Variants in ARHGAP10 observed in about 807,000 individuals in gnomAD.
The protein encoded by ARHGAP10 is Rho GTPase activating protein 10.
In ARHGAP10, 87 loss-of-function variants were observed where a neutral mutation model predicts 108.6. The observed-to-expected ratio is 0.80, with a 90% CI of 0.67 to 0.96. The LOEUF (loss-of-function observed/expected upper bound fraction) is 0.96. ARHGAP10 is among the 40% of genes least tolerant of loss of function. The probability of loss-of-function intolerance (pLI) is 0.00; values close to 1 mark genes in which losing one functional copy is unlikely to be tolerated. For missense variants in ARHGAP10, 939 were observed against 954.5 expected (o/e 0.98, Z 0.21); for synonymous variants, 347 against 341.1 (o/e 1.02, Z -0.19).
At chr4:147,839,003 A>G (rs1455593156) in intron 3 of ARHGAP10, among the ~76,000 whole-genome samples, 1 of 152,154 alleles carries the variant, frequency 6.6e-6, no homozygotes, top group African/African-American at 2.4e-5. Flanking sequence ...CTCCTTTAGA[A>G]GACTCTTAAG....
intron 1 of ARHGAP10, among the ~76,000 whole-genome samples, chr4:147,817,282 A>G (rs1732290002): frequency 6.6e-6 from 1 of 152,112 alleles, no homozygotes; most frequent in African/African-American, 2.4e-5. Flanking sequence ...CAGGCTTGTA[A>G]CTTAAGGGGT....
At chr4:147,750,643 C>A (rs1729101225) in intron 1 of ARHGAP10, among the ~76,000 whole-genome samples, 1 of 151,412 alleles carries the variant, frequency 6.6e-6, no homozygotes, top group Non-Finnish European at 1.5e-5. Flanking sequence ...ACTCTGTAAC[C>A]CAGGCTGGAG....
Position 147,732,441 on chromosome 4 carries a change from T to A in ARHGAP10, c.140T>A (p.Ile47Asn). 6.2e-7 allele frequency: 1 copy of A among 1,611,864 alleles called. No homozygotes were observed. The highest frequency in any genetic ancestry group is 8.5e-7 in the Non-Finnish European group (1 of 1,178,996). ...KELIKDGKNL[I>N]AATKSLSVAQ... ...CTCATTAAGGACGGGAAGAACCTCA[T>A]CGCTGCGACGAAAAGTAAGCGGGGA... The change falls in exon 1 of 23, where the codon ATC becomes AAC. Residue 47 changes from isoleucine to asparagine, a missense_variant. Ile to Asn is a moderately radical substitution (Grantham distance 149). Coordinates refer to ENST00000336498, the MANE Select transcript of ARHGAP10 (RefSeq NM_024605.4).
chr4:148,048,323 T>C (rs1728977290), intron 20 of ARHGAP10, among the ~76,000 whole-genome samples: 1 of 152,204 alleles, frequency 6.6e-6, no homozygotes, highest in African/African-American at 2.4e-5. Flanking sequence ...TAAGAGAGGC[T>C]GGGAGACATT....
chr4:147,777,670 G>A (rs1730355155), intron 1 of ARHGAP10, among the ~76,000 whole-genome samples: 1 of 152,040 alleles, frequency 6.6e-6, no homozygotes, highest in South Asian at 2.1e-4. Flanking sequence ...GACCTTTAAG[G>A]GTGACTCATG....
intron 7 of ARHGAP10, among the ~76,000 whole-genome samples, chr4:147,869,679 C>T (rs1250515505): frequency 6.6e-6 from 1 of 151,932 alleles, no homozygotes; most frequent in Non-Finnish European, 1.5e-5. Flanking sequence ...ATATTCCTCT[C>T]TTGATTTTAT....
intron 1 of ARHGAP10, among the ~76,000 whole-genome samples, chr4:147,755,297 C>T (rs1177233451): frequency 6.6e-6 from 1 of 152,048 alleles, no homozygotes; most frequent in Non-Finnish European, 1.5e-5. Flanking sequence ...CTTTTGTGAT[C>T]AACTCAGTCT....
At position 147,906,483 on chromosome 4, in the gene ARHGAP10, C is replaced by G. The variant is rs190325943; in HGVS notation, c.1035-155C>G. ...TGAACATATTTAATGCCATTGAACT[C>G]TACACTTAAAAATCGTTAAGATGAT... On this transcript the variant is annotated intron_variant, in intron 10 of 22. Coordinates refer to ENST00000336498, the MANE Select transcript of ARHGAP10 (RefSeq NM_024605.4). 4.4e-4 allele frequency among the ~76,000 whole-genome samples: 67 copies of G among 152,108 alleles called. 1 individual carries two copies. Among genetic ancestry groups the G allele is most frequent in the African/African-American group, 1.4e-3 (60 of 41,474 alleles).
At chr4:148,065,269 A>G (rs1256950097) in intron 22 of ARHGAP10, 1 of 152,210 alleles carries the variant, frequency 6.6e-6, no homozygotes, top group East Asian at 1.9e-4. Context: ...AGCTGCTTGG[A>G]ATGGAATGGT....
chr4:147,823,525 A>C (rs1332552602), intron 3 of ARHGAP10, among the ~76,000 whole-genome samples: 1 of 152,176 alleles, frequency 6.6e-6, no homozygotes, highest in Admixed American at 6.5e-5. Flanking sequence ...TAGGAGGCTA[A>C]GCTGGGTGGA....
intron 18 of ARHGAP10, among the ~76,000 whole-genome samples, chr4:147,995,083 C>T (rs967731149): frequency 1.3e-5 from 2 of 152,190 alleles, no homozygotes; most frequent in East Asian, 1.9e-4. Context: ...TTTTTATCCA[C>T]ATTCTATGTA....
chr4:147,804,729 A>G (rs1731713527), intron 1 of ARHGAP10, among the ~76,000 whole-genome samples: 1 of 152,130 alleles, frequency 6.6e-6, no homozygotes, highest in Non-Finnish European at 1.5e-5. Flanking sequence ...CATTTTTCTA[A>G]TTATGAGTGG....
rs148034415 is a variant in ARHGAP10 at position 148,045,782 on chromosome 4, G to A, written c.1868-1110G>A. ...AAAAAAAAAGAAATCCATCTAAGAT[G>A]TTTTTTGAGAGCAAGGTCCTTGCTG... On this transcript the variant is annotated intron_variant, in intron 19 of 22. Transcript: ENST00000336498. Among the ~76,000 whole-genome samples the A allele has an allele frequency of 4.3e-4, 60 of 140,682 alleles. 1 individual carries two copies. Among genetic ancestry groups the A allele is most frequent in the Non-Finnish European group, 6.8e-4 (44 of 64,578 alleles). 92.3% of individuals were successfully genotyped at this position (140,682 alleles called of 152,430 possible). A position where few individuals can be genotyped will look rare whatever the true frequency, so the allele number is the denominator to read the frequency against.
intron 4 of ARHGAP10, chr4:147,854,952 G>A (rs1218107749): frequency 1.2e-6 from 1 of 824,044 alleles, no homozygotes. Context: ...GATTTTCATA[G>A]CCTTCTATTG....
intron 1 of ARHGAP10, among the ~76,000 whole-genome samples, chr4:147,804,428 A>G (rs1490060739): frequency 6.6e-6 from 1 of 152,110 alleles, no homozygotes; most frequent in African/African-American, 2.4e-5. Flanking sequence ...TTGATTCCCT[A>G]TCTTTGCTAT....
intron 18 of ARHGAP10, among the ~76,000 whole-genome samples, chr4:147,967,376 C>G (rs1739244840): frequency 6.6e-6 from 1 of 152,204 alleles, no homozygotes; most frequent in African/African-American, 2.4e-5. Context: ...TTACACCTAG[C>G]TGTTGTGAAT....
intron 18 of ARHGAP10, among the ~76,000 whole-genome samples, chr4:147,989,313 T>A (rs547888865): frequency 6.6e-6 from 1 of 152,360 alleles, no homozygotes; most frequent in East Asian, 1.9e-4. Context: ...AAATTAAAAT[T>A]GCTAATGAAG....
At chr4:147,882,182 G>T (rs1221896226) in intron 10 of ARHGAP10, among the ~76,000 whole-genome samples, 1 of 152,102 alleles carries the variant, frequency 6.6e-6, no homozygotes, top group Non-Finnish European at 1.5e-5. Flanking sequence ...AACCTTGGAG[G>T]CCAGGTGCAG....
At chr4:148,066,730 C>G (rs1334591434) in intron 22 of ARHGAP10, among the ~76,000 whole-genome samples, 2 of 152,216 alleles carry the variant, frequency 1.3e-5, no homozygotes, top group African/African-American at 4.8e-5. Context: ...TCTGTGTGAC[C>G]TGGGACAGGC....
Sources: gnomAD v4.1 joint callset for allele counts (sites outside exome capture counted in the v4.1 genomes callset) on GRCh38, gnomAD v4.1.1 for gene constraint, MANE v1.5 for transcripts, NCBI Gene and HGNC (gene_info 2026-07-23, HGNC 2026-07-21) for gene names.